The following BRWD1 variants were observed in gnomAD, a reference collection of about 807,000 sequenced individuals.
BRWD1 encodes bromodomain and WD repeat domain containing 1.
In BRWD1, 82 loss-of-function variants were observed where a neutral mutation model predicts 251.2. That is an observed-to-expected ratio of 0.33 (90% CI 0.27 to 0.39). The LOEUF is 0.39. Ranked by LOEUF, BRWD1 falls within the 10% of genes least tolerant of loss-of-function variation. The pLI, the probability that BRWD1 is intolerant of heterozygous loss-of-function variation, is 1.00. For synonymous variants in BRWD1, 918 were observed against 902.8 expected (o/e 1.02, Z -0.30); for missense variants, 2,233 against 2,711.6 (o/e 0.82, Z 3.92).
chr21:39,233,932 A>T (rs559258084), intron 23 of BRWD1, among the ~76,000 whole-genome samples: 1 of 152,164 alleles, frequency 6.6e-6, no homozygotes. Flanking sequence ...AGGCAGAAGA[A>T]CTGCTTGAAC....
intron 21 of BRWD1, among the ~76,000 whole-genome samples, chr21:39,243,301 G>A (rs1432592583): frequency 6.6e-6 from 1 of 152,100 alleles, no homozygotes; most frequent in African/African-American, 2.4e-5. Context: ...AACTAGACTA[G>A]ATTCAGGTTA....
At chr21:39,235,566 T>A (rs2033781268) in intron 23 of BRWD1, 2 of 210,060 alleles carry the variant, frequency 9.5e-6, no homozygotes, top group South Asian at 1.9e-4. Context: ...TTGGAGAAGA[T>A]CTGTGAATGT....
chr21:39,271,287 G>A (rs532537487), intron 13 of BRWD1, among the ~76,000 whole-genome samples: 53 of 151,310 alleles, frequency 3.5e-4, no homozygotes, highest in Admixed American at 3.2e-3. Flanking sequence ...GCAAGACTAC[G>A]TTCTCAAAAA....
chr21:39,229,188 C>T, intron 26 of BRWD1, 124 bp downstream of exon 26: 1 of 840,566 alleles, frequency 1.2e-6, no homozygotes, highest in Non-Finnish European at 1.8e-6. Context: ...CGAGCCACAT[C>T]TTAGGCTATC....
chr21:39,244,208 G>A (rs2034101297), intron 21 of BRWD1, among the ~76,000 whole-genome samples: 2 of 152,050 alleles, frequency 1.3e-5, no homozygotes, highest in Non-Finnish European at 2.9e-5. Context: ...GGGACTACAG[G>A]TGCCCACCAC....
intron 19 of BRWD1, among the ~76,000 whole-genome samples, chr21:39,251,797 C>T (rs1432912986): frequency 3.3e-5 from 5 of 152,104 alleles, no homozygotes; most frequent in African/African-American, 1.2e-4. Context: ...AAAGTCCCAC[C>T]TGATATCTGT....
intron 20 of BRWD1, among the ~76,000 whole-genome samples, chr21:39,248,388 G>A (rs1033901258): frequency 6.6e-6 from 1 of 151,988 alleles, no homozygotes; most frequent in African/African-American, 2.4e-5. Flanking sequence ...AAGGCAGGCA[G>A]ATCACTTGAG....
chr21:39,266,938 G>A (rs149969980), intron 15 of BRWD1, among the ~76,000 whole-genome samples: 5 of 152,190 alleles, frequency 3.3e-5, no homozygotes, highest in Non-Finnish European at 5.9e-5. Flanking sequence ...GAGTTTTTCC[G>A]CTTATATTCT....
At chr21:39,295,026 C>T (rs984705176) in intron 7 of BRWD1, among the ~76,000 whole-genome samples, 4 of 152,002 alleles carry the variant, frequency 2.6e-5, no homozygotes, top group Non-Finnish European at 1.5e-5. Flanking sequence ...TTTCCTGAAC[C>T]AGTGATTAAT....
At chr21:39,293,314 GA>G (rs2035868047) in intron 8 of BRWD1, among the ~76,000 whole-genome samples, 1 of 152,118 alleles carries the variant, frequency 6.6e-6, no homozygotes, top group Non-Finnish European at 1.5e-5. Context: ...CCAACATGGT[GA>G]AACCCTGTCT....
chr21:39,202,296 AAG>A, intron 38 of BRWD1, 27 bp downstream of exon 38: 4 of 1,553,032 alleles, frequency 2.6e-6, no homozygotes, highest in Non-Finnish European at 3.5e-6. Context: ...GTGCTCAGCA[AAG>A]AAATAACATA....
chr21:39,224,760 A>T (rs1305701029), intron 28 of BRWD1, among the ~76,000 whole-genome samples: 1 of 152,176 alleles, frequency 6.6e-6, no homozygotes, highest in Non-Finnish European at 1.5e-5. Context: ...CCCATTGCCA[A>T]TGAAGAGGCG....
intron 4 of BRWD1, chr21:39,312,550 C>A: frequency 3.3e-6 from 1 of 303,260 alleles, no homozygotes; most frequent in Non-Finnish European, 6.3e-6. Context: ...GCGCACGCCA[C>A]ACCCCCGCAG....
chr21:39,278,647 T>TA, intron 10 of BRWD1, 96 bp downstream of exon 10: 1 of 842,308 alleles, frequency 1.2e-6, no homozygotes, highest in South Asian at 2.1e-5. Flanking sequence ...AGAAGTCATT[T>TA]ACCATGTAGC....
Position 39,188,340 on chromosome 21 carries a change from G to A in BRWD1, c.*7919C>T. The A allele has an allele frequency of 1.0e-6, 1 of 985,292 alleles. No individual in the cohort carries two copies. The allele number at this position is 985,292 out of a possible 1,614,324, so 61.0% of individuals were successfully genotyped here. A position where few individuals can be genotyped will look rare whatever the true frequency, so the allele number is the denominator to read the frequency against. On this transcript the variant is annotated 3_prime_UTR_variant, in exon 41 of 41. Coordinates refer to ENST00000342449, the MANE Select transcript of BRWD1 (RefSeq NM_033656.4). ...CCTGCCTGAAGTTTCCAGACATTTA[G>A]CATTCAAAAGGTAAGGCTGTAGATC...
chr21:39,296,345 C>T lies in BRWD1; in HGVS notation c.368G>A (p.Trp123Ter). The change falls in exon 6 of 41, where the codon TGG becomes TAG. Residue 123 changes from tryptophan to a stop codon, truncating the protein, a stop_gained. Coordinates refer to ENST00000342449, the MANE Select transcript of BRWD1 (RefSeq NM_033656.4). LOFTEE classifies it high-confidence loss of function. Reference protein sequence around the residue: ...RTAKDCRHTVWKGSAFAALHR... With the variant: ...RTAKDCRHTV ...AAGAGCAGCAAAGGCAGAGCCCTTC[C>T]AAACTGTGTGCCTGCAGTCTTTAAA... 1 of 1,590,256 alleles carries T rather than the reference C, an allele frequency of 6.3e-7. No individual in the cohort carries two copies. The highest frequency in any genetic ancestry group is 8.5e-7 in the Non-Finnish European group (1 of 1,170,418).
At chr21:39,287,438 A>G (rs139696440) in intron 8 of BRWD1, among the ~76,000 whole-genome samples, 12 of 152,356 alleles carry the variant, frequency 7.9e-5, no homozygotes, top group African/African-American at 2.9e-4. Flanking sequence ...ATAAGTAGGT[A>G]GAGAAAATGT....
At chr21:39,300,465 G>A (rs1601493528) in intron 4 of BRWD1, among the ~76,000 whole-genome samples, 1 of 152,242 alleles carries the variant, frequency 6.6e-6, no homozygotes, top group East Asian at 1.9e-4. Context: ...ATTTCATGAG[G>A]GCCAAATGTC....
In BRWD1 at chr21:39,198,809, T is replaced by C. The variant is rs1474050342; in HGVS notation, c.5607A>G (p.Leu1869=). 6.2e-7 allele frequency: 1 copy of C among 1,603,410 alleles called. No homozygotes were observed. Among genetic ancestry groups the C allele is most frequent in the Non-Finnish European group, 8.5e-7 (1 of 1,176,882 alleles). Residue 1869 remains leucine (L), a synonymous_variant, in exon 40 of 41, where the codon TTA becomes TTG. Transcript: ENST00000342449. ...CSSDHGCETD[L]DSDDDKIEKP... ...TTTCTATTTTGTCATCATCTGAATCTAAATCAGTTTCACATCCATGATCTG... is the reference window on the plus strand; with the variant it reads ...TTTCTATTTTGTCATCATCTGAATCCAAATCAGTTTCACATCCATGATCTG...
Sources: gnomAD v4.1 joint callset for allele counts (sites outside exome capture counted in the v4.1 genomes callset) on GRCh38, gnomAD v4.1.1 for gene constraint, MANE v1.5 for transcripts, NCBI Gene and HGNC (gene_info 2026-07-23, HGNC 2026-07-21) for gene names.